CPEB2: variants seen among roughly 807,000 people sequenced by gnomAD.
CPEB2 encodes cytoplasmic polyadenylation element-binding protein 2.
Under a neutral mutation model 93.6 loss-of-function variants are expected in CPEB2, and 56 were observed. The observed-to-expected ratio is 0.60, with a 90% CI of 0.48 to 0.75. CPEB2 has a LOEUF of 0.75. Among genes scored for constraint, CPEB2 ranks in the 30% least tolerant of loss-of-function variants. The pLI, the probability that CPEB2 is intolerant of heterozygous loss-of-function variation, is 0.00. For synonymous variants in CPEB2, 764 were observed against 586.3 expected (o/e 1.30, Z -4.38); for missense variants, 1,579 against 1,395.1 (o/e 1.13, Z -2.10).
chr4:15,020,675 C>T (rs1023315658), intron 4 of CPEB2, among the ~76,000 whole-genome samples: 5 of 151,984 alleles, frequency 3.3e-5, no homozygotes, highest in African/African-American at 9.7e-5. Flanking sequence ...TGATGGCAAC[C>T]CAAGATGGAA....
chr4:15,058,685 C>T, intron 9 of CPEB2, 146 bp downstream of exon 9: 1 of 603,400 alleles, frequency 1.7e-6, no homozygotes, highest in Non-Finnish European at 2.9e-6. Context: ...TAGCAGGAGT[C>T]CCCAACCCCT....
chr4:15,012,990 C>T (rs1364081100), intron 3 of CPEB2, among the ~76,000 whole-genome samples: 1 of 151,886 alleles, frequency 6.6e-6, no homozygotes, highest in East Asian at 1.9e-4. Flanking sequence ...AGTTTGAATT[C>T]CCTTTGTCAT....
chr4:15,047,455 G>T (rs751163073), intron 6 of CPEB2, among the ~76,000 whole-genome samples: 9 of 151,674 alleles, frequency 5.9e-5, no homozygotes, highest in Non-Finnish European at 4.4e-5. Context: ...TGTCATTTTC[G>T]GTGTAAAAGT....
Position 15,066,129 on chromosome 4 carries a change from GACTTA to G in CPEB2, c.2878-19_2878-15del, listed in dbSNP as rs1729687984. ...TGATTTCTGAAGCAGACCCTAATGA[GACTTA>G]ACTTTCTTTTTTTTCAAGGTGGAGG... is the stretch of plus-strand genomic sequence containing the variant. On this transcript the variant is annotated intron_variant, in intron 11 of 11. Transcript: ENST00000538197. 6.3e-7 allele frequency: 1 copy of G among 1,588,950 alleles called. No homozygotes were observed. The highest frequency in any genetic ancestry group is 1.3e-5 in the African/African-American group (1 of 74,280).
At chr4:15,035,671 C>G (rs1188931963) in intron 5 of CPEB2, among the ~76,000 whole-genome samples, 1 of 152,010 alleles carries the variant, frequency 6.6e-6, no homozygotes, top group Non-Finnish European at 1.5e-5. Flanking sequence ...TTGCAGAAAG[C>G]CAAACTAGAA....
chr4:15,016,348 A>C (rs994586193), intron 3 of CPEB2, among the ~76,000 whole-genome samples: 19 of 152,060 alleles, frequency 1.2e-4, no homozygotes, highest in Non-Finnish European at 1.3e-4. Flanking sequence ...AGGTACACTG[A>C]GTATGTATTG....
chr4:15,063,074 G>T (rs1398796771), intron 11 of CPEB2, among the ~76,000 whole-genome samples: 1 of 152,014 alleles, frequency 6.6e-6, no homozygotes, highest in Admixed American at 6.6e-5. Flanking sequence ...GCGGGTAAAT[G>T]AATTTTTTAT....
intron 3 of CPEB2, 125 bp downstream of exon 3, chr4:15,008,552 A>G: frequency 2.0e-6 from 1 of 501,848 alleles, no homozygotes; most frequent in Non-Finnish European, 3.4e-6. Flanking sequence ...ACACTGAAGC[A>G]ATTTATTTTT....
intron 9 of CPEB2, 64 bp downstream of exon 9, chr4:15,058,603 G>A: frequency 2.3e-6 from 2 of 867,264 alleles, no homozygotes; most frequent in South Asian, 1.5e-5. Context: ...GTTTTGAAAT[G>A]ATTGTTAATT....
intron 3 of CPEB2, among the ~76,000 whole-genome samples, chr4:15,011,806 G>GT (rs1229428472): frequency 6.6e-6 from 1 of 152,190 alleles, no homozygotes; most frequent in African/African-American, 2.4e-5. Context: ...GTAATTGAGT[G>GT]TGTGAAGCAT....
rs766524075 is a variant in CPEB2, at chr4:15,052,543, G to C, written c.2330G>C (p.Arg777Pro). ...QNGERIERFS[R>P]KVFVGGLPPD... ...GGAGAGCGAATAGAACGCTTCTCTC[G>C]AAAAGTTTTTGTTGGTGGTCTTCCT... The change falls in exon 7 of 12, where the codon CGA (arginine) becomes CCA (proline). Residue 777 changes from arginine (R) to proline (P), a missense_variant. Transcript: ENST00000538197. 1.9e-6 allele frequency: 3 copies of C among 1,566,840 alleles called. No homozygotes were observed. The highest frequency in any genetic ancestry group is 3.5e-5 in the Admixed American group (2 of 56,580).
rs1301431488 is a variant in CPEB2 at position 15,004,159 on chromosome 4, G to T, written c.1486G>T (p.Ala496Ser). The T allele has an allele frequency of 1.9e-6, 2 of 1,074,964 alleles. No individual in the cohort carries two copies. Among genetic ancestry groups the T allele is most frequent in the African/African-American group, 1.8e-5 (1 of 56,066 alleles). 66.6% of individuals were successfully genotyped at this position (1,074,964 alleles called of 1,614,324 possible). The change falls in exon 1 of 12, where the codon GCT becomes TCT. Residue 496 changes from alanine to serine, a missense_variant. By Grantham distance (99) the Ala-to-Ser change is moderately conservative (BLOSUM62 1). Around this residue, in one of 2 missense-constraint regions of CPEB2, gnomAD observed 1,411 missense variants for 1,056.0 expected, o/e 1.34. Transcript: ENST00000538197. ...CTTCGGCGGCCCCTTCTCGGCTACC[G>T]CTGTGCCCCCTCCGCCGCCGCCCGC... Reference protein sequence around the residue: ...GGFGGPFSATAVPPPPPPAMN... With the variant: ...GGFGGPFSATSVPPPPPPAMN...
At chr4:15,006,225 A>G (rs193209570) in intron 1 of CPEB2, among the ~76,000 whole-genome samples, 2 of 152,300 alleles carry the variant, frequency 1.3e-5, no homozygotes, top group Non-Finnish European at 2.9e-5. Context: ...GTTAGCATTT[A>G]AAAGTGTTTA....
At chr4:15,021,474 CT>C (rs1724806328) in intron 4 of CPEB2, among the ~76,000 whole-genome samples, 1 of 152,070 alleles carries the variant, frequency 6.6e-6, no homozygotes. Context: ...TTGTTAAGCT[CT>C]TTTCCTTCCC....
chr4:15,010,170 T>C (rs1471962550), intron 3 of CPEB2, among the ~76,000 whole-genome samples: 4 of 152,140 alleles, frequency 2.6e-5, no homozygotes, highest in African/African-American at 9.7e-5. Flanking sequence ...TTCCTCATAA[T>C]CTTTATGACA....
intron 1 of CPEB2, chr4:15,005,195 A>T (rs1391763687): frequency 6.6e-6 from 1 of 152,218 alleles, no homozygotes; most frequent in Non-Finnish European, 1.5e-5. Context: ...CTCGGGTTCA[A>T]ACCGAGATAT....
intron 5 of CPEB2, among the ~76,000 whole-genome samples, chr4:15,036,176 A>G (rs1726587185): frequency 1.3e-5 from 2 of 151,744 alleles, no homozygotes; most frequent in South Asian, 4.1e-4. Context: ...ATATTTTTTA[A>G]AAAAGAGGTG....
rs142082243 is a variant in CPEB2 at position 15,032,740 on chromosome 4, T to C, written c.2126-421T>C. ...TTTTAACATTTTAATTGTTTTTGAT[T>C]TAGGAATATGAAATTCTCTCAAGTT... is the stretch of plus-strand genomic sequence containing the variant. On this transcript the variant is annotated intron_variant, in intron 4 of 11. Coordinates refer to ENST00000538197, the MANE Select transcript of CPEB2 (RefSeq NM_001177382.2). 8.4e-4 allele frequency among the ~76,000 whole-genome samples: 128 copies of C among 152,252 alleles called. 4 individuals are homozygous for C. In the East Asian group the frequency reaches 0.024, roughly 28 times the overall value.
chr4:15,052,388 C>T (rs763010920), intron 6 of CPEB2, 26 bp from the exon 7 acceptor site: 1 of 1,371,422 alleles, frequency 7.3e-7, no homozygotes, highest in Non-Finnish European at 9.6e-7. Flanking sequence ...ATCTGAGATT[C>T]AAGTTGTATT....
Sources: allele counts gnomAD v4.1 joint callset (sites outside exome capture counted in the v4.1 genomes callset), GRCh38; gene constraint gnomAD v4.1.1; regional missense constraint gnomAD v4.1.1; transcripts MANE v1.5; gene names NCBI Gene and HGNC (gene_info 2026-07-23, HGNC 2026-07-21).